NKAIN2: variants seen among roughly 807,000 people sequenced by gnomAD.
NKAIN2 encodes the protein sodium/potassium transporting ATPase interacting 2.
Under a neutral mutation model 32.6 loss-of-function variants are expected in NKAIN2, and 14 were observed. The ratio of observed to expected loss-of-function variants is 0.43; its 90% CI spans 0.28 to 0.67. The LOEUF (loss-of-function observed/expected upper bound fraction) is 0.67. Ranked by LOEUF, NKAIN2 falls within the 30% of genes least tolerant of loss-of-function variation. NKAIN2 has a pLI of 0.17. For missense variants in NKAIN2, 198 were observed against 258.3 expected (o/e 0.77, Z 1.60); for synonymous variants, 80 against 87.2 (o/e 0.92, Z 0.46).
chr6:124,311,210 A>G (rs966925504), intron 2 of NKAIN2, among the ~76,000 whole-genome samples: 3 of 152,168 alleles, frequency 2.0e-5, no homozygotes, highest in African/African-American at 7.2e-5. Flanking sequence ...CTCAGTCCAG[A>G]GCAGGGTCTT....
intron 1 of NKAIN2, among the ~76,000 whole-genome samples, chr6:124,261,991 G>A (rs1794275715): frequency 6.6e-6 from 1 of 152,004 alleles, no homozygotes; most frequent in Non-Finnish European, 1.5e-5. Flanking sequence ...CTATGTTAGT[G>A]GAATGTATCA....
chr6:123,842,014 A>G (rs928819628), intron 1 of NKAIN2, among the ~76,000 whole-genome samples: 7 of 152,316 alleles, frequency 4.6e-5, no homozygotes, highest in Non-Finnish European at 8.8e-5. Context: ...TAGTAGATGA[A>G]GTGGAAAGGT....
At chr6:123,976,357 A>G (rs1436384417) in intron 1 of NKAIN2, among the ~76,000 whole-genome samples, 2,092 of 30,732 alleles carry the variant, frequency 0.068, 535 homozygotes, top group East Asian at 0.12. Context: ...CCATATATAT[A>G]TATATATATA....
chr6:124,119,513 T>C (rs59209907), intron 1 of NKAIN2, among the ~76,000 whole-genome samples: 7,070 of 152,212 alleles, frequency 0.046, 559 homozygotes, highest in African/African-American at 0.16. Flanking sequence ...TATGAATCGA[T>C]AGATCATAGT....
At chr6:124,498,593 G>A (rs1221833506) in intron 3 of NKAIN2, among the ~76,000 whole-genome samples, 2 of 152,098 alleles carry the variant, frequency 1.3e-5, no homozygotes, top group African/African-American at 4.8e-5. Flanking sequence ...ATCATACACT[G>A]TGAAACAGAG....
At chr6:124,729,441 G>C (rs1369906518) in intron 4 of NKAIN2, among the ~76,000 whole-genome samples, 15 of 152,106 alleles carry the variant, frequency 9.9e-5, no homozygotes, top group South Asian at 6.2e-4. Flanking sequence ...CATATAAGCA[G>C]AGCCAAAGAC....
intron 1 of NKAIN2, among the ~76,000 whole-genome samples, chr6:124,082,023 A>G (rs1457508307): frequency 6.6e-6 from 1 of 152,080 alleles, no homozygotes; most frequent in Non-Finnish European, 1.5e-5. Context: ...AATAAAGCCA[A>G]TACAGATAGT....
At chr6:123,962,656 G>T (rs1174826612) in intron 1 of NKAIN2, among the ~76,000 whole-genome samples, 1 of 152,076 alleles carries the variant, frequency 6.6e-6, no homozygotes, top group African/African-American at 2.4e-5. Flanking sequence ...GTAGGCTGAG[G>T]CAGCCTTCCA....
rs894255854 is a variant in NKAIN2, at chr6:124,759,182, C to G, written c.475-32157C>G. Among the ~76,000 whole-genome samples the G allele has an allele frequency of 3.3e-5, 5 of 152,228 alleles. No homozygotes were observed. The South Asian group carries it at 1.0e-3, about 32-fold the overall frequency. On this transcript the variant is annotated intron_variant, in intron 4 of 6. Coordinates refer to ENST00000368417, the MANE Select transcript of NKAIN2 (RefSeq NM_001040214.3). ...AGCCACCAGAACAGGGCCAGACACA[C>G]GGTGGCAGATCATCTATGTAATCTT...
At chr6:124,105,008 A>G (rs1474063899) in intron 1 of NKAIN2, among the ~76,000 whole-genome samples, 1 of 152,194 alleles carries the variant, frequency 6.6e-6, no homozygotes, top group Non-Finnish European at 1.5e-5. Flanking sequence ...GGTACAACAT[A>G]TCTAATTGGA....
intron 3 of NKAIN2, among the ~76,000 whole-genome samples, chr6:124,379,922 T>A (rs1337495523): frequency 6.6e-6 from 1 of 152,020 alleles, no homozygotes; most frequent in African/African-American, 2.4e-5. Flanking sequence ...TGGAAGAAAA[T>A]GCCAGAATTT....
intron 3 of NKAIN2, among the ~76,000 whole-genome samples, chr6:124,505,558 T>G (rs1462589991): frequency 6.6e-6 from 1 of 152,206 alleles, no homozygotes; most frequent in Non-Finnish European, 1.5e-5. Flanking sequence ...AATTGGGAAC[T>G]TCTGCTAAGC....
intron 2 of NKAIN2, among the ~76,000 whole-genome samples, chr6:124,326,930 A>G (rs750598092): frequency 5.8e-4 from 88 of 152,042 alleles, no homozygotes; most frequent in Non-Finnish European, 1.1e-3. Context: ...GTACCCATAT[A>G]TGATTTTCCT....
Position 123,947,576 on chromosome 6 carries a change from G to A in NKAIN2, c.54+143322G>A, listed in dbSNP as rs187018106. Among the ~76,000 whole-genome samples the A allele has an allele frequency of 9.5e-4, 144 of 152,226 alleles. 1 individual carries two copies. Among genetic ancestry groups the A allele is most frequent in the Admixed American group, 3.3e-3 (51 of 15,270 alleles). ...GCCTACTTTTTTTAAGCCATAGCCA[G>A]AGAACCACAGACATGGGCTTTAAAG... On this transcript the variant is annotated intron_variant, in intron 1 of 6. Coordinates refer to ENST00000368417, the MANE Select transcript of NKAIN2 (RefSeq NM_001040214.3).
At chr6:124,349,864 C>T (rs1798629524) in intron 2 of NKAIN2, among the ~76,000 whole-genome samples, 1 of 152,170 alleles carries the variant, frequency 6.6e-6, no homozygotes, top group Admixed American at 6.5e-5. Flanking sequence ...TTACTTTTTT[C>T]AGCTGATAGT....
intron 3 of NKAIN2, among the ~76,000 whole-genome samples, chr6:124,394,500 T>TAGAG (rs1423396136): frequency 4.8e-5 from 7 of 145,320 alleles, no homozygotes; most frequent in Admixed American, 1.3e-4. Flanking sequence ...GATAGATAGA[T>TAGAG]AGATAGATTA....
chr6:124,314,094 A>T (rs1411933270), intron 2 of NKAIN2, among the ~76,000 whole-genome samples: 1 of 152,040 alleles, frequency 6.6e-6, no homozygotes, highest in Non-Finnish European at 1.5e-5. Flanking sequence ...ATGAAAATTT[A>T]GGGAGCACGG....
At chr6:123,932,462 G>A (rs1776298735) in intron 1 of NKAIN2, among the ~76,000 whole-genome samples, 1 of 139,022 alleles carries the variant, frequency 7.2e-6, no homozygotes, top group Admixed American at 7.5e-5. Flanking sequence ...TTTTGCCCAG[G>A]CTGGAGTGCA....
chr6:124,567,069 A>G (rs1001185328), intron 3 of NKAIN2, among the ~76,000 whole-genome samples: 6 of 152,188 alleles, frequency 3.9e-5, no homozygotes, highest in Admixed American at 6.5e-5. Context: ...CATTTTCCCA[A>G]TTGAATGTCT....
Sources: allele counts gnomAD v4.1 joint callset (sites outside exome capture counted in the v4.1 genomes callset), GRCh38; gene constraint gnomAD v4.1.1; transcripts MANE v1.5; gene names NCBI Gene and HGNC (gene_info 2026-07-23, HGNC 2026-07-21).